FMN1: variants seen among roughly 807,000 people sequenced by gnomAD.
The protein encoded by FMN1 is formin-1.
Under a neutral mutation model 132.4 loss-of-function variants are expected in FMN1, and 110 were observed. The ratio of observed to expected loss-of-function variants is 0.83; its 90% CI spans 0.71 to 0.97. The LOEUF (loss-of-function observed/expected upper bound fraction) is 0.97, where lower values mean the gene tolerates loss of function less well. FMN1 is among the 50% of genes least tolerant of loss of function. The probability of loss-of-function intolerance (pLI) is 0.00; values close to 1 mark genes in which losing one functional copy is unlikely to be tolerated. For synonymous variants in FMN1, 722 were observed against 651.7 expected (o/e 1.11, Z -1.64); for missense variants, 1,792 against 1,705.3 (o/e 1.05, Z -0.90).
At chr15:33,003,659 CCAATGACTTTCTTCA>C (rs1259184655) in intron 7 of FMN1, among the ~76,000 whole-genome samples, 3 of 152,162 alleles carry the variant, frequency 2.0e-5, no homozygotes, top group Admixed American at 2.0e-4. Context: ...CATCAAGCTA[CCAATGACTTTCTTCA>C]CAGAATTGGA....
intron 7 of FMN1, among the ~76,000 whole-genome samples, chr15:33,005,004 A>G (rs2034335889): frequency 6.6e-6 from 1 of 152,172 alleles, no homozygotes; most frequent in Non-Finnish European, 1.5e-5. Flanking sequence ...ACACGTGGAC[A>G]CAGGAACGGG....
chr15:32,981,753 T>TA (rs2140775805), intron 7 of FMN1, among the ~76,000 whole-genome samples: 1 of 152,166 alleles, frequency 6.6e-6, no homozygotes, highest in East Asian at 1.9e-4. Flanking sequence ...ATGATTCATT[T>TA]AGGATATGTT....
intron 4 of FMN1, among the ~76,000 whole-genome samples, chr15:33,092,299 G>C (rs1595453469): frequency 6.6e-6 from 1 of 152,166 alleles, no homozygotes; most frequent in East Asian, 1.9e-4. Flanking sequence ...ACAGGAGGCA[G>C]TGTCCACAGC....
intron 7 of FMN1, among the ~76,000 whole-genome samples, chr15:32,977,579 A>G (rs540977707): frequency 6.6e-6 from 1 of 152,286 alleles, no homozygotes; most frequent in East Asian, 1.9e-4. Context: ...CATTTTATAT[A>G]TGTCTGAAAT....
At chr15:32,878,799 T>G (rs2059695817) in intron 16 of FMN1, among the ~76,000 whole-genome samples, 2 of 152,206 alleles carry the variant, frequency 1.3e-5, no homozygotes, top group African/African-American at 4.8e-5. Flanking sequence ...GATTGCAGCT[T>G]TTATTTCAAT....
In FMN1 at chr15:32,894,566, T is replaced by C. The variant is rs565403909; in HGVS notation, c.3714+4268A>G. Reference sequence around the variant, plus strand: ...CCAAGATAATAGGTAATTCCTCATATATACATACAAGGCAGAATAAGATGC... The same window carrying C: ...CCAAGATAATAGGTAATTCCTCATACATACATACAAGGCAGAATAAGATGC... On this transcript the variant is annotated intron_variant, in intron 15 of 20. Transcript: ENST00000616417. 3.3e-5 allele frequency among the ~76,000 whole-genome samples: 5 copies of C among 151,958 alleles called. No individual in the cohort carries two copies. The East Asian group carries it at 9.7e-4, about 29-fold the overall frequency.
chr15:33,104,873 T>C lies in FMN1; in HGVS notation c.1868-15899A>G, dbSNP rs1362487541. 3.3e-5 allele frequency among the ~76,000 whole-genome samples: 5 copies of C among 152,168 alleles called. No homozygotes were observed. In the East Asian group the frequency reaches 7.7e-4, roughly 23 times the overall value. On this transcript the variant is annotated intron_variant, in intron 4 of 20. Transcript: ENST00000616417. Reference sequence around the variant, plus strand: ...ATTTCTATGTTAAAAACAATGCTAATTTCAGTCTTAATATTTGCACCATCC... The same window carrying C: ...ATTTCTATGTTAAAAACAATGCTAACTTCAGTCTTAATATTTGCACCATCC...
chr15:33,077,793 C>CAAA (rs796706510), intron 5 of FMN1, among the ~76,000 whole-genome samples: 79 of 115,092 alleles, frequency 6.9e-4, no homozygotes, highest in Middle Eastern at 4.2e-3. Context: ...AACAAATTTA[C>CAAA]AAAAAAAAAA....
intron 9 of FMN1, among the ~76,000 whole-genome samples, chr15:32,949,952 T>TATATATATACACATACAC (rs1555503082): frequency 4.0e-5 from 2 of 50,498 alleles, no homozygotes; most frequent in South Asian, 5.8e-4. Flanking sequence ...TATATATATA[T>TATATATATACACATACAC]ATATATATAT....
At chr15:33,122,176 A>AGCTTATTCACTTTTTTT (rs1962624864) in intron 4 of FMN1, among the ~76,000 whole-genome samples, 1 of 152,264 alleles carries the variant, frequency 6.6e-6, no homozygotes, top group African/African-American at 2.4e-5. Context: ...CAATGTTCTT[A>AGCTTATTCACTTTTTTT]GGTGAAACCT....
chr15:32,857,571 T>C (rs2059164941), intron 16 of FMN1, among the ~76,000 whole-genome samples: 1 of 152,138 alleles, frequency 6.6e-6, no homozygotes, highest in South Asian at 2.1e-4. Context: ...AACCTAGTGA[T>C]TGGCCAGGGT....
chr15:32,804,729 C>T (rs2057615274), intron 17 of FMN1, among the ~76,000 whole-genome samples: 1 of 128,102 alleles, frequency 7.8e-6, no homozygotes, highest in Non-Finnish European at 1.5e-5. Context: ...TCTCACTGTT[C>T]AACTCCCACC....
intron 9 of FMN1, among the ~76,000 whole-genome samples, chr15:32,933,217 T>C (rs1396754644): frequency 6.6e-6 from 1 of 152,200 alleles, no homozygotes; most frequent in African/African-American, 2.4e-5. Flanking sequence ...ATTTCCCTTT[T>C]GGTTTCTTCT....
At chr15:33,150,937 T>C in intron 4 of FMN1, 2 of 1,035,274 alleles carry the variant, frequency 1.9e-6, no homozygotes, top group Non-Finnish European at 2.3e-6. Context: ...TGCTGGCAAC[T>C]CTCTGAGCCC....
intron 6 of FMN1, among the ~76,000 whole-genome samples, chr15:33,052,146 G>A (rs1278624023): frequency 1.3e-5 from 2 of 152,154 alleles, no homozygotes; most frequent in Admixed American, 6.6e-5. Context: ...AGCTAAACCT[G>A]ATATTCTCCA....
chr15:32,875,636 T>G (rs1299747197), intron 16 of FMN1, among the ~76,000 whole-genome samples: 5 of 152,156 alleles, frequency 3.3e-5, no homozygotes, highest in Non-Finnish European at 7.4e-5. Context: ...CTACGAGAGA[T>G]AAGGATATTG....
At chr15:32,924,469 G>A (rs762628433) in intron 10 of FMN1, among the ~76,000 whole-genome samples, 2 of 152,190 alleles carry the variant, frequency 1.3e-5, no homozygotes, top group African/African-American at 4.8e-5. Context: ...TGGGTATTCT[G>A]CTGAGTAGCA....
At chr15:32,912,049 A>G (rs2060574352) in intron 10 of FMN1, among the ~76,000 whole-genome samples, 1 of 152,216 alleles carries the variant, frequency 6.6e-6, no homozygotes, top group South Asian at 2.1e-4. Flanking sequence ...AACCAACATG[A>G]GCGCATAAGA....
At chr15:32,884,466 T>C (rs530889572) in intron 16 of FMN1, among the ~76,000 whole-genome samples, 211 of 152,320 alleles carry the variant, frequency 1.4e-3, no homozygotes, top group African/African-American at 4.9e-3. Flanking sequence ...TAAAGATTCA[T>C]GTGATTAGAT....
Sources: allele counts gnomAD v4.1 joint callset (sites outside exome capture counted in the v4.1 genomes callset), GRCh38; gene constraint gnomAD v4.1.1; transcripts MANE v1.5; gene names NCBI Gene and HGNC (gene_info 2026-07-23, HGNC 2026-07-21).